The following ZYG11B variants were observed in gnomAD, a reference collection of about 807,000 sequenced individuals.
ZYG11B encodes the protein zyg-11 family member B, cell cycle regulator.
ZYG11B carries 36 observed loss-of-function variants against 82.4 expected under a neutral mutation model. The observed-to-expected ratio is 0.44, with a 90% CI of 0.33 to 0.58. ZYG11B has a LOEUF of 0.58. ZYG11B is among the 20% of genes least tolerant of loss of function. The probability of loss-of-function intolerance (pLI) is 0.02; values close to 1 mark genes in which losing one functional copy is unlikely to be tolerated. For missense variants in ZYG11B, 552 were observed against 895.6 expected, an observed-to-expected ratio of 0.62 and a Z score of 4.90; for synonymous variants, 303 against 312.8, an observed-to-expected ratio of 0.97 and a Z score of 0.33.
chr1:52,802,676 G>T (rs1036271609), intron 10 of ZYG11B, among the ~76,000 whole-genome samples: 21 of 150,688 alleles, frequency 1.4e-4, no homozygotes, highest in African/African-American at 5.1e-4. Flanking sequence ...ATTTCTAGGC[G>T]AATGAACAAA....
intron 7 of ZYG11B, 71 bp downstream of exon 7, chr1:52,796,462 A>C: frequency 1.1e-5 from 14 of 1,251,424 alleles, no homozygotes; most frequent in Non-Finnish European, 1.6e-5. Flanking sequence ...TTCCCCCCAA[A>C]AGCTGTGTGC....
At chr1:52,765,957 A>G (rs113383025) in intron 2 of ZYG11B, among the ~76,000 whole-genome samples, 1,846 of 152,092 alleles carry the variant, frequency 0.012, 39 homozygotes, top group African/African-American at 0.043. Flanking sequence ...TTTATCTTCT[A>G]GTTCACCAGT....
At chr1:52,796,519 A>T in intron 7 of ZYG11B, 128 bp downstream of exon 7, 1 of 950,460 alleles carries the variant, frequency 1.1e-6, no homozygotes, top group South Asian at 1.7e-5. Flanking sequence ...TTCAAGCTAC[A>T]TTCGATATTG....
rs1224500432 is a variant in ZYG11B at position 52,771,384 on chromosome 1, A to G, written c.561A>G (p.Arg187=). ...EDLAEVASLP[R]LESLDISNTS... is the part of the protein sequence containing the mutation. ...TGGCTGAAGTTGCCTCATTGCCAAG[A>G]TTAGAGAGCTTGGATATTTCTAACA... The change falls in exon 3 of 14, where the codon AGA becomes AGG. Residue 187 remains arginine, a synonymous_variant. Transcript: ENST00000294353. This position sits in a 1 kb window ranked among gnomAD's most constrained non-coding sequence, Gnocchi z 5.4. The G allele has an allele frequency of 1.9e-6, 3 of 1,614,192 alleles. No individual in the cohort carries two copies. The highest frequency in any genetic ancestry group is 2.2e-5 in the East Asian group (1 of 44,890).
intron 13 of ZYG11B, among the ~76,000 whole-genome samples, chr1:52,817,639 T>TC (rs1349039016): frequency 1.3e-5 from 2 of 149,412 alleles, no homozygotes; most frequent in Non-Finnish European, 3.0e-5. Flanking sequence ...GCCTGCCTCT[T>TC]CCTCCCAAAG....
intron 5 of ZYG11B, 88 bp from the exon 6 acceptor site, chr1:52,789,915 C>CT (rs58685388): frequency 0.17 from 118,390 of 708,668 alleles, 2,099 homozygotes; most frequent in East Asian, 0.35. Flanking sequence ...CAGTCTTCTT[C>CT]TTTTTTTTTT....
In ZYG11B at chr1:52,759,404, G is replaced by A. The variant is rs143830683; in HGVS notation, c.196+2781G>A. 5.3e-5 allele frequency among the ~76,000 whole-genome samples: 8 copies of A among 152,308 alleles called. No homozygotes were observed. In the East Asian group the frequency reaches 1.2e-3, roughly 22 times the overall value. On this transcript the variant is annotated intron_variant, in intron 2 of 13. Transcript: ENST00000294353. ...TTATTATTATGTCAGGCACTATAGC[G>A]AATGCTTTATATGGATAAGATAATA...
chr1:52,805,260 G>T (rs778090531), intron 10 of ZYG11B: 125 of 338,122 alleles, frequency 3.7e-4, no homozygotes, highest in Admixed American at 1.3e-3. Flanking sequence ...GGGAGGCATA[G>T]ATTAGTGAGT....
intron 13 of ZYG11B, among the ~76,000 whole-genome samples, chr1:52,820,525 A>G (rs185487956): frequency 7.9e-5 from 12 of 151,104 alleles, no homozygotes; most frequent in South Asian, 2.1e-4. Flanking sequence ...GCTGGTGCCT[A>G]TAGTCCCAGC....
chr1:52,758,449 G>T (rs570100176), intron 2 of ZYG11B, among the ~76,000 whole-genome samples: 1 of 152,112 alleles, frequency 6.6e-6, no homozygotes, highest in Non-Finnish European at 1.5e-5. Flanking sequence ...GAGAAGTAAC[G>T]TCCTGAGGGT....
intron 1 of ZYG11B, among the ~76,000 whole-genome samples, chr1:52,730,762 T>C (rs1447709591): frequency 6.6e-6 from 1 of 151,826 alleles, no homozygotes; most frequent in Non-Finnish European, 1.5e-5. Context: ...GGAGGCTCAC[T>C]TGAGCCCAGC....
At chr1:52,814,376 A>T (rs1313276892) in intron 12 of ZYG11B, among the ~76,000 whole-genome samples, 2 of 151,876 alleles carry the variant, frequency 1.3e-5, no homozygotes, top group Non-Finnish European at 2.9e-5. Context: ...ACCACCTATC[A>T]CTCTTCATGT....
intron 5 of ZYG11B, among the ~76,000 whole-genome samples, chr1:52,785,781 A>G (rs1037129006): frequency 6.6e-6 from 1 of 152,200 alleles, no homozygotes; most frequent in Non-Finnish European, 1.5e-5. Flanking sequence ...GAAATTGACC[A>G]TTGAGTTGGC....
At chr1:52,764,938 T>A (rs555583362) in intron 2 of ZYG11B, among the ~76,000 whole-genome samples, 1 of 152,278 alleles carries the variant, frequency 6.6e-6, no homozygotes, top group South Asian at 2.1e-4. Flanking sequence ...TAGTTTCAGA[T>A]GTTCTTTGCT....
At chr1:52,744,679 A>T (rs998769332) in intron 1 of ZYG11B, among the ~76,000 whole-genome samples, 1 of 152,168 alleles carries the variant, frequency 6.6e-6, no homozygotes, top group African/African-American at 2.4e-5. Flanking sequence ...CGTCTCTACT[A>T]AAAATACAAA....
intron 5 of ZYG11B, among the ~76,000 whole-genome samples, chr1:52,785,345 G>C (rs1268220474): frequency 1.3e-5 from 2 of 152,198 alleles, no homozygotes; most frequent in African/African-American, 4.8e-5. Context: ...TTCTGGGCTA[G>C]GCACTATCAA....
At chr1:52,774,807 C>G (rs1343742849) in intron 3 of ZYG11B, among the ~76,000 whole-genome samples, 2 of 151,956 alleles carry the variant, frequency 1.3e-5, no homozygotes, top group Non-Finnish European at 2.9e-5. Flanking sequence ...TTTCCCTACT[C>G]AGTTTTCTCT....
rs1645306762 is a variant in ZYG11B, at chr1:52,824,161, T to A, written c.*2532T>A. Reference sequence around the variant, plus strand: ...AAAAAAAAAATTAAACTTCCTACTTTTTTTCTTTTTGTAGAGACAGAGTTT... The same window carrying A: ...AAAAAAAAAATTAAACTTCCTACTTATTTTCTTTTTGTAGAGACAGAGTTT... On this transcript the variant is annotated 3_prime_UTR_variant, in exon 14 of 14. Coordinates refer to ENST00000294353, the MANE Select transcript of ZYG11B (RefSeq NM_024646.3). 1 of 151,852 alleles carries A rather than the reference T, an allele frequency of 6.6e-6. No homozygotes were observed. Among genetic ancestry groups the A allele is most frequent in the Non-Finnish European group, 1.5e-5 (1 of 67,978 alleles). 9.4% of individuals were successfully genotyped at this position (151,852 alleles called of 1,614,324 possible). A position where few individuals can be genotyped will look rare whatever the true frequency, so the allele number is the denominator to read the frequency against.
At chr1:52,733,333 A>G (rs1644350262) in intron 1 of ZYG11B, among the ~76,000 whole-genome samples, 1 of 152,174 alleles carries the variant, frequency 6.6e-6, no homozygotes, top group Non-Finnish European at 1.5e-5. Flanking sequence ...TCTAGAGGTC[A>G]TGCTTAATGA....
Sources: gnomAD v4.1 joint callset for allele counts (sites outside exome capture counted in the v4.1 genomes callset) on GRCh38, gnomAD v4.1.1 for gene constraint, Gnocchi (gnomAD v3.1) non-coding constraint, MANE v1.5 for transcripts, NCBI Gene and HGNC (gene_info 2026-07-23, HGNC 2026-07-21) for gene names.